CATSPERD: variants seen among roughly 807,000 people sequenced by gnomAD.
CATSPERD encodes catsper channel auxiliary subunit delta.
CATSPERD carries 86 observed loss-of-function variants against 98.1 expected under a neutral mutation model. The ratio of observed to expected loss-of-function variants is 0.88; its 90% confidence interval spans 0.74 to 1.05. CATSPERD has a LOEUF of 1.05. Among genes scored for constraint, CATSPERD ranks in the 50% least tolerant of loss-of-function variants. The pLI is 0.00. For missense variants in CATSPERD, 995 were observed against 1,005.7 expected, an observed-to-expected ratio of 0.99 and a Z score of 0.14; for synonymous variants, 394 against 390.2, an observed-to-expected ratio of 1.01 and a Z score of -0.12.
chr19:5,724,534 C>T (rs898290039), intron 1 of CATSPERD, among the ~76,000 whole-genome samples: 1 of 151,834 alleles, frequency 6.6e-6, no homozygotes, highest in African/African-American at 2.4e-5. Context: ...CCTATCTCTA[C>T]TAAAAATATA....
chr19:5,776,109 G>A (rs1346291642), intron 20 of CATSPERD, 52 bp from the exon 21 acceptor site: 1 of 1,580,924 alleles, frequency 6.3e-7, no homozygotes, highest in Non-Finnish European at 8.7e-7. Flanking sequence ...GGGAGGCTCA[G>A]GGCCCCCTCC....
rs754257500 is a variant in CATSPERD, at chr19:5,778,556, G to A, written c.2277G>A (p.Ala759=). The A allele has an allele frequency of 1.1e-5, 17 of 1,613,898 alleles. No individual in the cohort carries two copies. The highest frequency in any genetic ancestry group is 4.5e-5 in the East Asian group (2 of 44,854). The change falls in exon 22 of 22, where the codon GCG becomes GCA. Residue 759 remains alanine (A), a synonymous_variant. Coordinates refer to ENST00000381624, the MANE Select transcript of CATSPERD (RefSeq NM_152784.4). ...TARGRRIKKC[A]TQLCRRCKTV... Reference sequence around the variant, plus strand: ...GCGGCCGCAGGATCAAGAAGTGTGCGACACAGCTGTGTAGGAGATGCAAGA... The same window carrying A: ...GCGGCCGCAGGATCAAGAAGTGTGCAACACAGCTGTGTAGGAGATGCAAGA...
intron 19 of CATSPERD, 79 bp downstream of exon 19, chr19:5,771,151 C>T: frequency 1.4e-6 from 2 of 1,444,614 alleles, no homozygotes; most frequent in Non-Finnish European, 9.4e-7. Flanking sequence ...ACCAGCCTGG[C>T]CCTCCAGGCT....
chr19:5,753,360 A>G (rs1307633198), intron 12 of CATSPERD, among the ~76,000 whole-genome samples: 1 of 151,502 alleles, frequency 6.6e-6, no homozygotes, highest in Non-Finnish European at 1.5e-5. Context: ...GGAGATCGAG[A>G]CCTTCCTGGC....
chr19:5,731,485 AAAAT>A (rs1339126974), intron 4 of CATSPERD, among the ~76,000 whole-genome samples: 1 of 152,012 alleles, frequency 6.6e-6, no homozygotes, highest in Non-Finnish European at 1.5e-5. Flanking sequence ...AGACTATCTC[AAAAT>A]AAATAAATAA....
rs371148536 is a variant in CATSPERD, at chr19:5,772,936, T to C, written c.1912T>C (p.Phe638Leu). Residue 638 changes from phenylalanine to leucine, a missense_variant, in exon 20 of 22, where the codon TTC (phenylalanine) becomes CTC (leucine). Coordinates refer to ENST00000381624, the MANE Select transcript of CATSPERD (RefSeq NM_152784.4). ...GAACTGGACCACCATGATAAAGGAA[T>C]TCGGGGGGCCCTTCTTCTGGAACAG... ...PQNWTTMIKE[F>L]GGPFFWNREN... 3.1e-6 allele frequency: 5 copies of C among 1,613,858 alleles called. No individual in the cohort carries two copies. The South Asian group carries it at 3.3e-5, about 11-fold the overall frequency.
chr19:5,739,847 A>AAAAAAAAGAAAAG (rs1480798107), intron 7 of CATSPERD, among the ~76,000 whole-genome samples: 3 of 151,600 alleles, frequency 2.0e-5, no homozygotes, highest in Non-Finnish European at 2.9e-5. Context: ...TCAAAAAAAA[A>AAAAAAAAGAAAAG]AAAAAAGTCC....
Position 5,727,962 on chromosome 19 carries a change from AGGAGGATCGCT to A in CATSPERD, c.203+633_203+643del, listed in dbSNP as rs1378456532. 4.2e-4 allele frequency among the ~76,000 whole-genome samples: 63 copies of A among 150,990 alleles called. 1 individual carries two copies. Among genetic ancestry groups the A allele is most frequent in the East Asian group, 5.8e-4 (3 of 5,130 alleles). Reference sequence around the variant, plus strand: ...TACCAGCACTTTGGGAGGCCAAGGCAGGAGGATCGCTGGAGGATCGCTGGAAGCTAGGAATT... The same window carrying A: ...TACCAGCACTTTGGGAGGCCAAGGCAGGAGGATCGCTGGAAGCTAGGAATT... On this transcript the variant is annotated intron_variant, in intron 3 of 21. Coordinates refer to ENST00000381624, the MANE Select transcript of CATSPERD (RefSeq NM_152784.4).
chr19:5,743,408 G>C (rs1331835808), intron 7 of CATSPERD, among the ~76,000 whole-genome samples: 1 of 151,922 alleles, frequency 6.6e-6, no homozygotes, highest in East Asian at 1.9e-4. Flanking sequence ...GACCAGCCTG[G>C]CCAACATGGC....
At chr19:5,759,195 C>G (rs1464502740) in intron 15 of CATSPERD, 51 bp downstream of exon 15, 1 of 1,546,116 alleles carries the variant, frequency 6.5e-7, no homozygotes, top group African/African-American at 1.4e-5. Flanking sequence ...CAGGGGTTTC[C>G]TTAGCAGGAG....
chr19:5,733,845 A>ATAACT lies in CATSPERD; in HGVS notation c.277-9_277-5dup. On this transcript the variant is annotated splice_polypyrimidine_tract_variant and intron_variant, in intron 4 of 21. Coordinates refer to ENST00000381624, the MANE Select transcript of CATSPERD (RefSeq NM_152784.4). The stretch of plus-strand genomic sequence containing the variant: ...TGCTCTCATTGATATCATCCATATG[A>ATAACT]TAACTTTTAGGTCGGCGTACCAGAA... 6.3e-7 allele frequency: 1 copy of ATAACT among 1,576,686 alleles called. No homozygotes were observed. The highest frequency in any genetic ancestry group is 1.7e-5 in the Admixed American group (1 of 58,592).
In CATSPERD at chr19:5,745,997, GC is replaced by G. The variant is rs771944238; in HGVS notation, c.747del (p.Gly250AlafsTer29). 5 of 1,614,020 alleles carry G rather than the reference GC, an allele frequency of 3.1e-6. No individual in the cohort carries two copies. The highest frequency in any genetic ancestry group is 1.1e-5 in the South Asian group (1 of 91,076). ...TAATGGGACTCTAGACATCCTCATC[GC>G]CCCCGGCCAGAGAGGCATCCTGCTC... The part of the protein sequence containing the change: ...DYNGTLDILI[A>X]PGQRGILLLW... On this transcript the variant is annotated frameshift_variant, in exon 9 of 22. Coordinates refer to ENST00000381624, the MANE Select transcript of CATSPERD (RefSeq NM_152784.4). LOFTEE classifies it high-confidence loss of function.
intron 2 of CATSPERD, 68 bp from the exon 3 acceptor site, chr19:5,727,200 A>G (rs2055621836): frequency 7.5e-7 from 1 of 1,331,596 alleles, no homozygotes; most frequent in African/African-American, 1.5e-5. Context: ...TGTCTCAAAA[A>G]AAAAAATTAT....
chr19:5,765,980 G>A (rs2145841453), intron 16 of CATSPERD, 123 bp from the exon 17 acceptor site: 1 of 622,442 alleles, frequency 1.6e-6, no homozygotes, highest in Non-Finnish European at 2.7e-6. Context: ...GGGACACGCT[G>A]TTGGGATCCA....
chr19:5,775,574 G>A (rs1046526153), intron 20 of CATSPERD, among the ~76,000 whole-genome samples: 10 of 150,568 alleles, frequency 6.6e-5, no homozygotes, highest in African/African-American at 9.8e-5. Flanking sequence ...GCATGCATCC[G>A]GGAGGCAGAG....
chr19:5,744,452 G>C lies in CATSPERD; in HGVS notation c.599G>C (p.Gly200Ala), dbSNP rs377492123. ...GCAGAAATCATTGGGTCTTTAGGCG[G>C]AATCTTCCACTTTTTTTCTTTGTCA... ...RQAEIIGSLG[G>A]IFHFFSLSQV... The change falls in exon 8 of 22, where the codon GGA becomes GCA. Residue 200 changes from glycine (G) to alanine (A), a missense_variant. Physicochemically the swap from Gly to Ala is moderately conservative, Grantham distance 60. Around this residue, in one of 3 missense-constraint regions of CATSPERD, gnomAD observed 762 missense variants for 773.7 expected, o/e 0.98. Transcript: ENST00000381624. 19 of 1,612,230 alleles carry C rather than the reference G, an allele frequency of 1.2e-5. No homozygotes were observed. Among genetic ancestry groups the C allele is most frequent in the Non-Finnish European group, 1.6e-5 (19 of 1,178,904 alleles).
At chr19:5,739,946 A>C (rs2055924878) in intron 7 of CATSPERD, among the ~76,000 whole-genome samples, 1 of 152,054 alleles carries the variant, frequency 6.6e-6, no homozygotes, top group South Asian at 2.1e-4. Context: ...AGGTCAGGCA[A>C]AATCATGGCA....
chr19:5,747,120 C>T (rs2145761396), intron 9 of CATSPERD, among the ~76,000 whole-genome samples: 1 of 151,102 alleles, frequency 6.6e-6, no homozygotes, highest in Non-Finnish European at 1.5e-5. Flanking sequence ...CTGGATATTA[C>T]AGCTCTGAGC....
intron 9 of CATSPERD, among the ~76,000 whole-genome samples, chr19:5,747,105 G>A (rs1032757462): frequency 9.4e-5 from 14 of 148,822 alleles, no homozygotes; most frequent in African/African-American, 2.2e-4. Context: ...TTGGCCTCCC[G>A]AAGTCTGGAT....
Sources: gnomAD v4.1 joint callset for allele counts (sites outside exome capture counted in the v4.1 genomes callset) on GRCh38, gnomAD v4.1.1 for gene constraint, gnomAD v4.1.1 regional missense constraint, MANE v1.5 for transcripts, NCBI Gene and HGNC (gene_info 2026-07-23, HGNC 2026-07-21) for gene names.